HIVEP1: variants seen among roughly 807,000 people sequenced by gnomAD.
The protein encoded by HIVEP1 is zinc finger protein 40.
HIVEP1 carries 36 observed loss-of-function variants against 180.0 expected under a neutral mutation model. The observed-to-expected ratio is 0.20, with a 90% confidence interval of 0.15 to 0.26. HIVEP1 has a LOEUF of 0.26. Among genes scored for constraint, HIVEP1 ranks in the 10% least tolerant of loss-of-function variants. The pLI, the probability that HIVEP1 is intolerant of heterozygous loss-of-function variation, is 1.00. For synonymous variants in HIVEP1, 1,239 were observed against 1,239.0 expected, an observed-to-expected ratio of 1.00 and a Z score of 0.00; for missense variants, 3,143 against 3,268.7, an observed-to-expected ratio of 0.96 and a Z score of 0.94.
chr6:12,084,253 A>G (rs1165587794), intron 2 of HIVEP1, among the ~76,000 whole-genome samples: 1 of 152,166 alleles, frequency 6.6e-6, no homozygotes, highest in Non-Finnish European at 1.5e-5. Flanking sequence ...TCATTAGCAC[A>G]GAGTTGAGTC....
At chr6:12,139,701 G>T (rs909230722) in intron 7 of HIVEP1, among the ~76,000 whole-genome samples, 4 of 152,240 alleles carry the variant, frequency 2.6e-5, no homozygotes, top group South Asian at 2.1e-4. Context: ...ATCTGGCTTG[G>T]TGGATCCCAT....
chr6:12,021,622 G>C (rs930068189), intron 2 of HIVEP1, among the ~76,000 whole-genome samples: 2 of 152,174 alleles, frequency 1.3e-5, no homozygotes, highest in African/African-American at 4.8e-5. Flanking sequence ...TGTTAGAAGA[G>C]ACCATTTTGG....
the HIVEP1 span, among the ~76,000 whole-genome samples, chr6:12,189,499 CAT>C: frequency 3.0e-3 from 460 of 152,168 alleles, 2 homozygotes; most frequent in African/African-American, 0.011. Flanking sequence ...TAGGAAGAGA[CAT>C]GTGAATGAAT....
chr6:12,204,970 T>C, the HIVEP1 span, among the ~76,000 whole-genome samples: 8 of 152,120 alleles, frequency 5.3e-5, no homozygotes, highest in South Asian at 2.1e-4. Flanking sequence ...AAAAGCATGA[T>C]AGCCAGAGGG....
At chr6:12,141,924 C>T (rs1007731371) in intron 7 of HIVEP1, among the ~76,000 whole-genome samples, 3 of 151,974 alleles carry the variant, frequency 2.0e-5, no homozygotes, top group African/African-American at 7.3e-5. Context: ...GACTCCCATA[C>T]AATAATAATG....
At chr6:12,091,022 T>C (rs1294557442) in intron 3 of HIVEP1, among the ~76,000 whole-genome samples, 1 of 152,128 alleles carries the variant, frequency 6.6e-6, no homozygotes, top group African/African-American at 2.4e-5. Context: ...GTTCACTGCA[T>C]AGAATTACTG....
At chr6:12,053,003 G>A (rs1983883) in intron 2 of HIVEP1, among the ~76,000 whole-genome samples, 22,656 of 152,114 alleles carry the variant, frequency 0.15, 2,187 homozygotes, top group Non-Finnish European at 0.22. Context: ...TAATTTGATT[G>A]TCATTATTGC....
At chr6:12,142,156 T>C (rs553907298) in intron 7 of HIVEP1, among the ~76,000 whole-genome samples, 1 of 152,290 alleles carries the variant, frequency 6.6e-6, no homozygotes, top group African/African-American at 2.4e-5. Context: ...TCAGCAAATG[T>C]AAAAGAACAG....
intron 7 of HIVEP1, 85 bp from the exon 8 acceptor site, chr6:12,161,354 T>A (rs1760382530): frequency 7.8e-7 from 1 of 1,283,702 alleles, no homozygotes. Context: ...CCTTGCAGAG[T>A]TGCCAAACGT....
intron 3 of HIVEP1, among the ~76,000 whole-genome samples, chr6:12,091,850 G>A (rs1773500765): frequency 6.6e-6 from 1 of 152,058 alleles, no homozygotes; most frequent in African/African-American, 2.4e-5. Flanking sequence ...CACACATTGT[G>A]CTTGACACTA....
intron 2 of HIVEP1, among the ~76,000 whole-genome samples, chr6:12,043,591 T>G (rs1472046344): frequency 3.3e-5 from 5 of 152,164 alleles, no homozygotes; most frequent in Non-Finnish European, 5.9e-5. Context: ...GGTCTCAAAC[T>G]CCTGACCTCA....
chr6:12,202,309 T>G, the HIVEP1 span, among the ~76,000 whole-genome samples: 66,182 of 151,622 alleles, frequency 0.44, 15,063 homozygotes, highest in Non-Finnish European at 0.5. Context: ...GCTAATTTTT[T>G]TTTTCTTTTG....
chr6:12,098,559 G>A (rs1033418947), intron 3 of HIVEP1, among the ~76,000 whole-genome samples: 2 of 152,158 alleles, frequency 1.3e-5, no homozygotes, highest in Non-Finnish European at 2.9e-5. Context: ...TGTATTCTCT[G>A]TATGAGACCA....
At chr6:12,013,927 C>G (rs1003983689) in intron 1 of HIVEP1, among the ~76,000 whole-genome samples, 4 of 152,172 alleles carry the variant, frequency 2.6e-5, no homozygotes, top group Non-Finnish European at 5.9e-5. Context: ...TAATCGTGGC[C>G]TTCTTTACCT....
At chr6:12,117,845 A>G (rs536153509) in intron 3 of HIVEP1, among the ~76,000 whole-genome samples, 4 of 152,214 alleles carry the variant, frequency 2.6e-5, no homozygotes, top group Admixed American at 1.3e-4. Context: ...TTTCACCTTT[A>G]TGATACCCAC....
chr6:12,014,541 C>T (rs1280586138), intron 1 of HIVEP1, among the ~76,000 whole-genome samples: 1 of 152,174 alleles, frequency 6.6e-6, no homozygotes, highest in Non-Finnish European at 1.5e-5. Flanking sequence ...CCTTACTGTT[C>T]TATTCTTGTG....
intron 1 of HIVEP1, among the ~76,000 whole-genome samples, chr6:12,013,461 T>G (rs1053209941): frequency 1.3e-5 from 2 of 152,078 alleles, no homozygotes; most frequent in African/African-American, 4.8e-5. Context: ...GATTTAAATA[T>G]GGGATGGACA....
At chr6:12,090,646 A>G (rs1773407962) in intron 3 of HIVEP1, among the ~76,000 whole-genome samples, 1 of 151,278 alleles carries the variant, frequency 6.6e-6, no homozygotes, top group African/African-American at 2.4e-5. Flanking sequence ...GTCCCTTTGA[A>G]GGGTTGACTG....
At chr6:12,165,374 C>A (rs1039591157), downstream of HIVEP1, among the ~76,000 whole-genome samples, 13 of 152,168 alleles carry the variant, frequency 8.5e-5, no homozygotes, top group African/African-American at 1.2e-4. Flanking sequence ...ACCCGTATAA[C>A]CTCATTTCCA....
Sources: allele counts gnomAD v4.1 joint callset (sites outside exome capture counted in the v4.1 genomes callset), GRCh38; gene constraint gnomAD v4.1.1; transcripts MANE v1.5; gene names NCBI Gene and HGNC (gene_info 2026-07-23, HGNC 2026-07-21).